Variants in TRPC7 observed in about 807,000 individuals in gnomAD.
The protein encoded by TRPC7 is short transient receptor potential channel 7.
In TRPC7, 42 loss-of-function variants were observed where a neutral mutation model predicts 90.1. The ratio of observed to expected loss-of-function variants is 0.47; its 90% CI spans 0.36 to 0.60. The LOEUF is 0.60. Among genes scored for constraint, TRPC7 ranks in the 20% least tolerant of loss-of-function variants. The pLI is 0.00. For synonymous variants in TRPC7, 451 were observed against 436.3 expected, an observed-to-expected ratio of 1.03 and a Z score of -0.42; for missense variants, 955 against 1,112.3, an observed-to-expected ratio of 0.86 and a Z score of 2.01.
chr5:136,340,827 G>A (rs539589103), intron 2 of TRPC7, among the ~76,000 whole-genome samples: 425 of 152,062 alleles, frequency 2.8e-3, no homozygotes, highest in Non-Finnish European at 3.6e-3. Context: ...AAAAGACACC[G>A]GAAGACAATT....
At chr5:136,358,352 C>T (rs1303882050) in intron 1 of TRPC7, among the ~76,000 whole-genome samples, 2 of 152,162 alleles carry the variant, frequency 1.3e-5, no homozygotes, top group East Asian at 1.9e-4. Flanking sequence ...TAGCAGTTAA[C>T]ATTTATTAAG....
At chr5:136,361,444 C>T (rs1376336657) in intron 1 of TRPC7, among the ~76,000 whole-genome samples, 2 of 152,080 alleles carry the variant, frequency 1.3e-5, no homozygotes, top group African/African-American at 4.8e-5. Context: ...TCAAGCTGCT[C>T]TTACAGATGC....
chr5:136,302,726 G>T (rs1230524707), intron 3 of TRPC7, among the ~76,000 whole-genome samples: 1 of 152,110 alleles, frequency 6.6e-6, no homozygotes, highest in Non-Finnish European at 1.5e-5. Flanking sequence ...CTGGAAAATG[G>T]CACTTTCAAT....
At chr5:136,356,474 C>T (rs557239846) in intron 2 of TRPC7, 134 bp downstream of exon 2, 195 of 910,342 alleles carry the variant, frequency 2.1e-4, no homozygotes, top group Non-Finnish European at 2.9e-4. Context: ...TGTTCCCCTC[C>T]TCCCCTGGGC....
intron 2 of TRPC7, among the ~76,000 whole-genome samples, chr5:136,351,011 C>T (rs888544896): frequency 3.2e-4 from 48 of 152,194 alleles, no homozygotes; most frequent in Non-Finnish European, 6.0e-4. Context: ...TTGCATATAA[C>T]CTATGCATAT....
chr5:136,349,974 T>A (rs1297874578), intron 2 of TRPC7, among the ~76,000 whole-genome samples: 1 of 152,250 alleles, frequency 6.6e-6, no homozygotes, highest in Admixed American at 6.5e-5. Context: ...CTGACCACTA[T>A]ATTACAGTTG....
intron 10 of TRPC7, among the ~76,000 whole-genome samples, chr5:136,219,878 T>G (rs997350154): frequency 2.6e-5 from 4 of 152,148 alleles, no homozygotes; most frequent in African/African-American, 9.7e-5. Flanking sequence ...AAGCCTGAAA[T>G]GGTTGGAGAA....
At chr5:136,317,045 T>C (rs901498227) in intron 2 of TRPC7, among the ~76,000 whole-genome samples, 11 of 152,192 alleles carry the variant, frequency 7.2e-5, no homozygotes, top group Non-Finnish European at 1.5e-4. Context: ...GAGAAAGAGG[T>C]AAGTAACTGC....
intron 2 of TRPC7, among the ~76,000 whole-genome samples, chr5:136,332,349 C>G (rs535532686): frequency 6.6e-6 from 1 of 152,110 alleles, no homozygotes; most frequent in African/African-American, 2.4e-5. Flanking sequence ...CGACAGGCAC[C>G]TGCACGGACT....
chr5:136,298,089 C>T (rs957326219), intron 3 of TRPC7, among the ~76,000 whole-genome samples: 1 of 152,130 alleles, frequency 6.6e-6, no homozygotes, highest in Non-Finnish European at 1.5e-5. Flanking sequence ...GGGAAACAGA[C>T]AATAAACAAG....
chr5:136,345,985 G>A (rs1450418828), intron 2 of TRPC7, among the ~76,000 whole-genome samples: 1 of 152,102 alleles, frequency 6.6e-6, no homozygotes, highest in Non-Finnish European at 1.5e-5. Flanking sequence ...GTTTTTGTCA[G>A]GTTTGTCAAA....
intron 2 of TRPC7, among the ~76,000 whole-genome samples, chr5:136,356,309 A>C (rs1321742329): frequency 6.6e-6 from 1 of 152,246 alleles, no homozygotes; most frequent in Non-Finnish European, 1.5e-5. Flanking sequence ...GAGCTAAGGC[A>C]TTGACATCAG....
At chr5:136,344,142 G>T (rs751425929) in intron 2 of TRPC7, among the ~76,000 whole-genome samples, 1 of 152,104 alleles carries the variant, frequency 6.6e-6, no homozygotes, top group Non-Finnish European at 1.5e-5. Context: ...GGAGCTGGAG[G>T]CCATTATCCT....
In TRPC7 at chr5:136,213,362, C is replaced by A. The variant is rs1755154732; in HGVS notation, c.*73G>T. On this transcript the variant is annotated 3_prime_UTR_variant, in exon 12 of 12. Transcript: ENST00000513104. ...GGAGTGGGCTGGGGACCCCTCCCCA[C>A]CAAGGATGGGGGCGAGGGCATCCAA... is the stretch of plus-strand genomic sequence containing the variant. 6.6e-7 allele frequency: 1 copy of A among 1,521,028 alleles called. No homozygotes were observed. The highest frequency in any genetic ancestry group is 8.9e-7 in the Non-Finnish European group (1 of 1,117,734). The allele number at this position is 1,521,028 out of a possible 1,614,324, so 94.2% of individuals were successfully genotyped here. A position where few individuals can be genotyped will look rare whatever the true frequency, so the allele number is the denominator to read the frequency against.
chr5:136,324,454 CTATT>C (rs1237854795), intron 2 of TRPC7, among the ~76,000 whole-genome samples: 4 of 152,096 alleles, frequency 2.6e-5, no homozygotes, highest in African/African-American at 9.7e-5. Flanking sequence ...AGCATATTCA[CTATT>C]TATTTCTTGC....
Position 136,239,093 on chromosome 5 carries a change from G to A in TRPC7, c.1845-7544C>T, listed in dbSNP as rs560599811. Among the ~76,000 whole-genome samples, 4 of 152,244 alleles carry A rather than the reference G, an allele frequency of 2.6e-5. No homozygotes were observed. In the South Asian group the frequency reaches 8.3e-4, roughly 32 times the overall value. ...CTTTTCTGTGCTGGTTTCTCCACCT[G>A]AAAGTGGGTGCAGTAAGCTCTCTCA... is the stretch of plus-strand genomic sequence containing the variant. On this transcript the variant is annotated intron_variant, in intron 7 of 11. Transcript: ENST00000513104.
chr5:136,248,759 C>T (rs1034177260), intron 6 of TRPC7, among the ~76,000 whole-genome samples: 2 of 152,224 alleles, frequency 1.3e-5, no homozygotes, highest in Non-Finnish European at 2.9e-5. Context: ...AGCAAACCTG[C>T]AAAGTGTTCC....
At chr5:136,258,578 G>A (rs1191661264) in intron 5 of TRPC7, among the ~76,000 whole-genome samples, 1 of 152,210 alleles carries the variant, frequency 6.6e-6, no homozygotes, top group Non-Finnish European at 1.5e-5. Flanking sequence ...AAGGAGGGGT[G>A]CCTGGCAGTG....
chr5:136,251,725 C>G lies in TRPC7; in HGVS notation c.1503G>C (p.Leu501=). The change falls in exon 6 of 12, where the codon CTG becomes CTC. Residue 501 remains leucine (L), a synonymous_variant. Transcript: ENST00000513104. The part of the protein sequence containing the change: ...MAFLKATEAQ[L]YVDQHVQDDT... ...CGTCCTGCACGTGCTGGTCCACGTA[C>G]AGCTGTGCCTCCGTGGCCTTCAGGA... 6.2e-7 allele frequency: 1 copy of G among 1,613,936 alleles called. No homozygotes were observed. Among genetic ancestry groups the G allele is most frequent in the South Asian group, 1.1e-5 (1 of 91,074 alleles).
Sources: gnomAD v4.1 joint callset for allele counts (sites outside exome capture counted in the v4.1 genomes callset) on GRCh38, gnomAD v4.1.1 for gene constraint, MANE v1.5 for transcripts, NCBI Gene and HGNC (gene_info 2026-07-23, HGNC 2026-07-21) for gene names.